FCHO2: variants seen among roughly 807,000 people sequenced by gnomAD.
FCHO2 encodes the protein F-BAR domain only protein 2.
Under a neutral mutation model 114.1 loss-of-function variants are expected in FCHO2, and 43 were observed. The ratio of observed to expected loss-of-function variants is 0.38; its 90% CI spans 0.30 to 0.49. FCHO2 has a LOEUF of 0.49. FCHO2 is among the 20% of genes least tolerant of loss of function. The pLI, the probability that FCHO2 is intolerant of heterozygous loss-of-function variation, is 0.97. For synonymous variants in FCHO2, 293 were observed against 315.2 expected (o/e 0.93, Z 0.75); for missense variants, 807 against 950.4 (o/e 0.85, Z 1.98).
rs774230768 is a variant in FCHO2 at position 73,051,352 on chromosome 5, A to G, written c.943A>G (p.Ile315Val). ...TTTTTTTTTCTTTTTCCCTTAGAAC[A>G]TTCCTGATGTAGATGAAGAAGGCTA... The part of the protein sequence containing the change: ...VECPDADSLN[I>V]PDVDEEGYSI... Residue 315 changes from isoleucine to valine, a missense_variant, in exon 12 of 26, where the codon ATT (isoleucine) becomes GTT (valine). Physicochemically the swap from Ile to Val is conservative, Grantham distance 29 (BLOSUM62 3). Transcript: ENST00000430046. The G allele has an allele frequency of 7.2e-6, 11 of 1,527,166 alleles. No homozygotes were observed. Among genetic ancestry groups the G allele is most frequent in the Middle Eastern group, 1.7e-4 (1 of 5,952 alleles). 94.6% of individuals were successfully genotyped at this position (1,527,166 alleles called of 1,614,324 possible).
intron 5 of FCHO2, among the ~76,000 whole-genome samples, chr5:73,003,008 G>A (rs1025664758): frequency 1.6e-4 from 24 of 152,008 alleles, no homozygotes; most frequent in African/African-American, 5.8e-4. Context: ...TTATTTTTAT[G>A]ATATTTGTTT....
At chr5:73,036,849 T>A (rs755145097) in intron 9 of FCHO2, among the ~76,000 whole-genome samples, 1 of 152,208 alleles carries the variant, frequency 6.6e-6, no homozygotes, top group African/African-American at 2.4e-5. Context: ...TTAAGATATC[T>A]CCATATGCTT....
At chr5:73,014,943 G>T (rs1256120931) in intron 6 of FCHO2, among the ~76,000 whole-genome samples, 4 of 151,620 alleles carry the variant, frequency 2.6e-5, no homozygotes, top group Non-Finnish European at 4.4e-5. Flanking sequence ...CAGCATGGTG[G>T]TGGGCACCTG....
intron 10 of FCHO2, among the ~76,000 whole-genome samples, chr5:73,038,836 A>C (rs1756661873): frequency 6.6e-6 from 1 of 152,208 alleles, no homozygotes; most frequent in Admixed American, 6.5e-5. Context: ...TATTAGCAAT[A>C]CATATTGAAA....
At chr5:73,056,178 A>G in intron 16 of FCHO2, 71 bp downstream of exon 16, 2 of 1,178,040 alleles carry the variant, frequency 1.7e-6, no homozygotes, top group East Asian at 5.3e-5. Context: ...TTTATGGCAA[A>G]ATTGAATGGA....
At chr5:72,977,777 T>C (rs1428105332) in intron 2 of FCHO2, among the ~76,000 whole-genome samples, 2 of 152,222 alleles carry the variant, frequency 1.3e-5, no homozygotes, top group African/African-American at 2.4e-5. Flanking sequence ...GTTTAGCCCA[T>C]CTTGAGTTAA....
At chr5:73,085,719 G>A (rs1743278356) in intron 24 of FCHO2, among the ~76,000 whole-genome samples, 1 of 151,844 alleles carries the variant, frequency 6.6e-6, no homozygotes, top group African/African-American at 2.4e-5. Context: ...AGGTTTCAGT[G>A]AGCCAAGATT....
intron 2 of FCHO2, among the ~76,000 whole-genome samples, chr5:72,979,549 G>T (rs1162844690): frequency 6.7e-6 from 1 of 149,874 alleles, no homozygotes; most frequent in Non-Finnish European, 1.5e-5. Context: ...CCGCTACCAC[G>T]CCCGGCTAAT....
intron 6 of FCHO2, among the ~76,000 whole-genome samples, chr5:73,012,748 A>T (rs1469788845): frequency 6.6e-6 from 1 of 152,164 alleles, no homozygotes; most frequent in African/African-American, 2.4e-5. Flanking sequence ...ATTTGAGACT[A>T]TATCCATTTC....
At chr5:72,957,641 ATGC>A (rs1185509177) in intron 1 of FCHO2, among the ~76,000 whole-genome samples, 24 of 152,342 alleles carry the variant, frequency 1.6e-4, no homozygotes, top group African/African-American at 5.8e-4. Flanking sequence ...GTTATGAATA[ATGC>A]TGCATGAACA....
intron 1 of FCHO2, among the ~76,000 whole-genome samples, chr5:72,963,902 GTTTTTTT>G (rs70973214): frequency 3.6e-3 from 342 of 95,714 alleles, no homozygotes; most frequent in Middle Eastern, 9.3e-3. Context: ...GGAACTTTCA[GTTTTTTT>G]TTTTTTTTTT....
At chr5:72,968,055 G>T (rs1321408835) in intron 1 of FCHO2, among the ~76,000 whole-genome samples, 2 of 151,772 alleles carry the variant, frequency 1.3e-5, no homozygotes, top group Non-Finnish European at 2.9e-5. Flanking sequence ...CTCCCAAGTA[G>T]CTGGGACTAC....
chr5:73,048,243 A>G (rs62362192), intron 11 of FCHO2, among the ~76,000 whole-genome samples: 20,640 of 151,930 alleles, frequency 0.14, 1,665 homozygotes, highest in East Asian at 0.35. Context: ...TGAGGCCAGG[A>G]GTTCGAGACC....
intron 10 of FCHO2, among the ~76,000 whole-genome samples, chr5:73,038,580 A>G (rs766391439): frequency 6.6e-6 from 1 of 152,192 alleles, no homozygotes; most frequent in Non-Finnish European, 1.5e-5. Context: ...TATTTTTAAC[A>G]TAAGAGAACA....
intron 2 of FCHO2, among the ~76,000 whole-genome samples, chr5:72,972,375 C>A (rs949007471): frequency 2.0e-5 from 3 of 151,902 alleles, no homozygotes; most frequent in South Asian, 2.1e-4. Flanking sequence ...CTTTTATTTC[C>A]TTGAGCAGTG....
chr5:73,042,702 G>A (rs1756863468), intron 11 of FCHO2, among the ~76,000 whole-genome samples: 1 of 152,134 alleles, frequency 6.6e-6, no homozygotes, highest in African/African-American at 2.4e-5. Context: ...AGACGTGACA[G>A]GGGTTAATTG....
chr5:73,085,782 AAATAAATAAATAAAT>A (rs1743284619), intron 24 of FCHO2, among the ~76,000 whole-genome samples: 1 of 4,256 alleles, frequency 2.3e-4, no homozygotes, highest in Non-Finnish European at 1.4e-3. Flanking sequence ...CTCAAAAAAT[AAATAAATAAATAAAT>A]AAATAAATAA....
rs150060713 is a variant in FCHO2 at position 72,982,040 on chromosome 5, G to A, written c.126-7387G>A. 8.2e-3 allele frequency among the ~76,000 whole-genome samples: 1,244 copies of A among 152,282 alleles called. 30 individuals carry two copies. The highest frequency in any genetic ancestry group is 0.029 in the African/African-American group (1,186 of 41,550). On this transcript the variant is annotated intron_variant, in intron 2 of 25. Coordinates refer to ENST00000430046, the MANE Select transcript of FCHO2 (RefSeq NM_138782.3). ...GCTTGAAACCCAGGGCCCTGGTGGTGTAGGCACCCGAGGGAATCTCCTGGT... is the reference window on the plus strand; with the variant it reads ...GCTTGAAACCCAGGGCCCTGGTGGTATAGGCACCCGAGGGAATCTCCTGGT...
At position 73,018,298 on chromosome 5, in the gene FCHO2, C is replaced by T. The variant is rs187212703; in HGVS notation, c.796+990C>T. Among the ~76,000 whole-genome samples the T allele has an allele frequency of 7.2e-5, 11 of 152,196 alleles. No individual in the cohort carries two copies. The East Asian group carries it at 2.1e-3, about 29-fold the overall frequency. ...TTTCTTTTCATGTTTTCTCTAGCTG[C>T]CTAATTAATTTGCAGATTTCATACT... is the stretch of plus-strand genomic sequence containing the variant. On this transcript the variant is annotated intron_variant, in intron 8 of 25. Coordinates refer to ENST00000430046, the MANE Select transcript of FCHO2 (RefSeq NM_138782.3).
Sources: allele counts gnomAD v4.1 joint callset (sites outside exome capture counted in the v4.1 genomes callset), GRCh38; gene constraint gnomAD v4.1.1; transcripts MANE v1.5; gene names NCBI Gene and HGNC (gene_info 2026-07-23, HGNC 2026-07-21).